The following DGKB variants were observed in gnomAD, a reference collection of about 807,000 sequenced individuals.
DGKB encodes the protein diacylglycerol kinase beta, also known as 90 kDa diacylglycerol kinase.
In DGKB, 67 loss-of-function variants were observed where a neutral mutation model predicts 114.3. The ratio of observed to expected loss-of-function variants is 0.59; its 90% CI spans 0.48 to 0.72. DGKB has a LOEUF of 0.72. Among genes scored for constraint, DGKB ranks in the 30% least tolerant of loss-of-function variants. The pLI is 0.00. For missense variants in DGKB, 907 were observed against 975.2 expected (o/e 0.93, Z 0.93); for synonymous variants, 398 against 323.1 (o/e 1.23, Z -2.49).
chr7:14,486,690 T>C (rs1202092675), intron 20 of DGKB, among the ~76,000 whole-genome samples: 1 of 152,114 alleles, frequency 6.6e-6, no homozygotes, highest in Non-Finnish European at 1.5e-5. Flanking sequence ...AGAGAGAATA[T>C]CTAGAGAGGC....
At chr7:14,559,230 A>G (rs1233002086) in intron 20 of DGKB, among the ~76,000 whole-genome samples, 1 of 152,234 alleles carries the variant, frequency 6.6e-6, no homozygotes, top group Non-Finnish European at 1.5e-5. Flanking sequence ...AATAACCTAT[A>G]AAATCAATTA....
At chr7:14,713,409 T>A (rs575876227) in intron 6 of DGKB, among the ~76,000 whole-genome samples, 1 of 137,650 alleles carries the variant, frequency 7.3e-6, no homozygotes, top group South Asian at 2.8e-4. Flanking sequence ...ACTGATTTAA[T>A]AAACTTTAAA....
At chr7:14,700,012 AAAC>A (rs1394307880) in intron 7 of DGKB, among the ~76,000 whole-genome samples, 1 of 152,114 alleles carries the variant, frequency 6.6e-6, no homozygotes, top group East Asian at 1.9e-4. Flanking sequence ...ACATTAAATA[AAAC>A]AACTCTCCTT....
chr7:14,893,935 A>C (rs1174279321), intron 1 of DGKB, among the ~76,000 whole-genome samples: 1 of 151,180 alleles, frequency 6.6e-6, no homozygotes, highest in Non-Finnish European at 1.5e-5. Flanking sequence ...TAATGTCAAA[A>C]TCGGGTTCTG....
At chr7:14,347,154 T>C (rs1206502597) in intron 21 of DGKB, among the ~76,000 whole-genome samples, 1 of 151,970 alleles carries the variant, frequency 6.6e-6, no homozygotes, top group Non-Finnish European at 1.5e-5. Flanking sequence ...TGCCTGGACA[T>C]GTGAGGCCCA....
intron 15 of DGKB, 80 bp downstream of exon 15, chr7:14,621,298 G>T: frequency 1.3e-6 from 1 of 784,672 alleles, no homozygotes; most frequent in Non-Finnish European, 2.1e-6. Context: ...CAAATGTGTT[G>T]ATAGCTGAAC....
chr7:14,522,084 G>C (rs1789873377), intron 20 of DGKB, among the ~76,000 whole-genome samples: 3 of 152,064 alleles, frequency 2.0e-5, no homozygotes, highest in Admixed American at 6.6e-5. Context: ...ACATAGCTTA[G>C]CGTTCACCCA....
intron 23 of DGKB, among the ~76,000 whole-genome samples, chr7:14,246,556 A>C (rs1486688232): frequency 6.6e-6 from 1 of 152,190 alleles, no homozygotes; most frequent in Non-Finnish European, 1.5e-5. Context: ...CAAATTATAA[A>C]GAATATACTC....
chr7:14,192,799 C>T (rs10264778), intron 23 of DGKB, among the ~76,000 whole-genome samples: 98 of 151,864 alleles, frequency 6.5e-4, no homozygotes, highest in African/African-American at 2.3e-3. Context: ...TGTAATAATA[C>T]AACTCACTAT....
At chr7:14,169,610 G>T (rs186540085) in intron 25 of DGKB, among the ~76,000 whole-genome samples, 206 of 152,188 alleles carry the variant, frequency 1.4e-3, no homozygotes, top group Non-Finnish European at 2.6e-3. Context: ...TCATGACAAA[G>T]ATTCTGAACT....
intron 23 of DGKB, among the ~76,000 whole-genome samples, chr7:14,300,381 T>G (rs554786813): frequency 3.9e-5 from 6 of 152,098 alleles, no homozygotes; most frequent in Non-Finnish European, 5.9e-5. Context: ...TAATCAACTG[T>G]GCAACTGGAA....
Position 14,852,487 on chromosome 7 carries a change from C to CAAAAAAAAAAAAACAAACAA in DGKB, c.-187-11038_-187-11037insTTGTTTGTTTTTTTTTTTTT. Among the ~76,000 whole-genome samples the CAAAAAAAAAAAAACAAACAA allele has an allele frequency of 1.5e-3, 98 of 63,614 alleles. 4 individuals carry two copies. Among genetic ancestry groups the CAAAAAAAAAAAAACAAACAA allele is most frequent in the South Asian group, 9.9e-3 (17 of 1,712 alleles). 41.7% of individuals were successfully genotyped at this position (63,614 alleles called of 152,430 possible). A position where few individuals can be genotyped will look rare whatever the true frequency, so the allele number is the denominator to read the frequency against. ...GAGGAATAGCTAAAATAGTGAAAGT[C>CAAAAAAAAAAAAACAAACAA]AAAAAAAAAACAGAAATCAAGCATA... On this transcript the variant is annotated intron_variant, in intron 1 of 25. Coordinates refer to ENST00000402815, the MANE Select transcript of DGKB (RefSeq NM_001350709.2).
intron 13 of DGKB, among the ~76,000 whole-genome samples, chr7:14,647,630 T>C (rs56300732): frequency 2.0e-5 from 3 of 151,582 alleles, no homozygotes; most frequent in East Asian, 2.0e-4. Context: ...AGATAATTCA[T>C]GGGGGAGGAG....
intron 21 of DGKB, among the ~76,000 whole-genome samples, chr7:14,372,951 G>A (rs1817906921): frequency 6.6e-6 from 1 of 152,132 alleles, no homozygotes; most frequent in Non-Finnish European, 1.5e-5. Flanking sequence ...AGCAAGGTGG[G>A]AGTATATCTC....
intron 23 of DGKB, among the ~76,000 whole-genome samples, chr7:14,215,243 G>GT (rs1454035214): frequency 6.6e-6 from 1 of 152,084 alleles, no homozygotes; most frequent in African/African-American, 2.4e-5. Context: ...AATCCCATAA[G>GT]AAAGGAACCT....
intron 21 of DGKB, among the ~76,000 whole-genome samples, chr7:14,461,613 TA>T (rs1833091981): frequency 6.6e-6 from 1 of 151,962 alleles, no homozygotes. Context: ...CTGTAATTAA[TA>T]GCCTACAAAC....
At chr7:14,808,220 T>G (rs1202963672) in intron 2 of DGKB, among the ~76,000 whole-genome samples, 2 of 152,050 alleles carry the variant, frequency 1.3e-5, no homozygotes, top group East Asian at 1.9e-4. Flanking sequence ...ATTTCCTGAA[T>G]GTTCCCCAAA....
intron 19 of DGKB, 127 bp downstream of exon 19, chr7:14,580,730 ATATAT>A (rs1799798127): frequency 4.0e-6 from 2 of 502,450 alleles, no homozygotes; most frequent in Admixed American, 3.9e-5. Context: ...GTTCAAAATC[ATATAT>A]TATATATACC....
rs563173353 is a variant in DGKB at position 14,471,234 on chromosome 7, T to TAC, written c.1835+6926_1835+6927insGT. Among the ~76,000 whole-genome samples the TAC allele has an allele frequency of 1.9e-4, 11 of 57,786 alleles. 3 individuals are homozygous for TAC. Among genetic ancestry groups the TAC allele is most frequent in the Admixed American group, 2.0e-4 (1 of 5,116 alleles). The allele number at this position is 57,786 out of a possible 152,430, so 37.9% of individuals were successfully genotyped here. ...TATATATACATATATATGTATGGAA[T>TAC]ATATGTATACATACATATATGTGTA... On this transcript the variant is annotated intron_variant, in intron 21 of 25. Transcript: ENST00000402815.
Sources: allele counts gnomAD v4.1 joint callset (sites outside exome capture counted in the v4.1 genomes callset), GRCh38; gene constraint gnomAD v4.1.1; transcripts MANE v1.5; gene names NCBI Gene and HGNC (gene_info 2026-07-23, HGNC 2026-07-21).